RBPJ: variants seen among roughly 807,000 people sequenced by gnomAD.
The protein encoded by RBPJ is recombining binding protein suppressor of hairless.
A neutral mutation model predicts 67.8 loss-of-function variants in RBPJ; 9 were observed. The ratio of observed to expected loss-of-function variants is 0.13; its 90% CI spans 0.08 to 0.23. The LOEUF is 0.23. Among genes scored for constraint, RBPJ ranks in the 10% least tolerant of loss-of-function variants. RBPJ has a pLI of 1.00. For synonymous variants in RBPJ, 198 were observed against 203.3 expected (o/e 0.97, Z 0.22); for missense variants, 305 against 595.6 (o/e 0.51, Z 5.08).
chr4:26,154,770 G>A, the RBPJ span, among the ~76,000 whole-genome samples: 1 of 152,202 alleles, frequency 6.6e-6, no homozygotes, highest in East Asian at 1.9e-4. Context: ...CATGGAGGAA[G>A]GCAAAGGTGA....
At chr4:26,320,500 G>T (rs28691136), upstream of RBPJ, 1,579 of 471,404 alleles carry the variant, frequency 3.3e-3, 15 homozygotes, top group African/African-American at 0.029. Flanking sequence ...AGGCGCCCAG[G>T]GAACGTTTGA....
the RBPJ span, among the ~76,000 whole-genome samples, chr4:26,110,125 A>C: frequency 6.6e-6 from 1 of 152,086 alleles, no homozygotes; most frequent in African/African-American, 2.4e-5. This position sits in a 1 kb window ranked among gnomAD's most constrained non-coding sequence, Gnocchi z 4.5. Flanking sequence ...ATTTACCCCT[A>C]CCGTAGGCAA....
chr4:26,318,417 A>G (rs1352335231), upstream of RBPJ, among the ~76,000 whole-genome samples: 1 of 152,216 alleles, frequency 6.6e-6, no homozygotes, highest in Non-Finnish European at 1.5e-5. Flanking sequence ...AACAGTAGTC[A>G]CTATAGCACC....
intron 3 of RBPJ, among the ~76,000 whole-genome samples, chr4:26,410,535 G>A (rs1053119242): frequency 6.6e-6 from 1 of 152,186 alleles, no homozygotes; most frequent in African/African-American, 2.4e-5. Context: ...TAATGATGCT[G>A]TTAAAACAAT....
At chr4:26,385,973 A>G (rs958580701) in intron 1 of RBPJ, among the ~76,000 whole-genome samples, 1 of 151,782 alleles carries the variant, frequency 6.6e-6, no homozygotes, top group Non-Finnish European at 1.5e-5. Flanking sequence ...AGGCTAATAG[A>G]ATTATTTTAT....
At chr4:26,300,056 T>C (rs1424750871) in intron 1 of RBPJ, among the ~76,000 whole-genome samples, 1 of 152,100 alleles carries the variant, frequency 6.6e-6, no homozygotes, top group Non-Finnish European at 1.5e-5. Flanking sequence ...TGGCATGAAA[T>C]TGTTGGTTAA....
the RBPJ span, among the ~76,000 whole-genome samples, chr4:26,106,428 G>A: frequency 6.6e-6 from 1 of 152,340 alleles, no homozygotes; most frequent in Non-Finnish European, 1.5e-5. Context: ...TATTTTACAA[G>A]TGTGGATTGT....
intron 1 of RBPJ, among the ~76,000 whole-genome samples, chr4:26,273,694 C>G (rs1720985436): frequency 6.6e-6 from 1 of 152,240 alleles, no homozygotes; most frequent in Non-Finnish European, 1.5e-5. Flanking sequence ...TTTCACTCAA[C>G]TGCCTCCCTC....
Position 26,431,056 on chromosome 4 carries a change from T to TG in RBPJ, c.*49_*50insG. ...AAACTGACTTGAGTGTGGCAAAAAGTTAACAAAAAAGGAGAAAAAATGAAC... is the reference window on the plus strand; with the variant it reads ...AAACTGACTTGAGTGTGGCAAAAAGTGTAACAAAAAAGGAGAAAAAATGAAC... On this transcript the variant is annotated 3_prime_UTR_variant, in exon 11 of 11. Transcript: ENST00000355476. 1 of 1,525,716 alleles carries TG rather than the reference T, an allele frequency of 6.6e-7. No homozygotes were observed. The allele number at this position is 1,525,716 out of a possible 1,614,324, so 94.5% of individuals were successfully genotyped here. A position where few individuals can be genotyped will look rare whatever the true frequency, so the allele number is the denominator to read the frequency against.
intron 1 of RBPJ, among the ~76,000 whole-genome samples, chr4:26,331,644 T>C (rs1460250329): frequency 6.6e-6 from 1 of 152,156 alleles, no homozygotes; most frequent in Non-Finnish European, 1.5e-5. Context: ...CTTTGTCTTG[T>C]ATTTCTAACT....
At chr4:26,214,347 GGAA>G (rs567754684) in intron 1 of RBPJ, among the ~76,000 whole-genome samples, 248 of 111,902 alleles carry the variant, frequency 2.2e-3, no homozygotes, top group Non-Finnish European at 3.7e-3. Flanking sequence ...AGAAAGAAAA[GGAA>G]GAGAAAGGAG....
intron 7 of RBPJ, among the ~76,000 whole-genome samples, chr4:26,427,338 C>T (rs1340452337): frequency 6.6e-6 from 1 of 152,042 alleles, no homozygotes; most frequent in Non-Finnish European, 1.5e-5. Context: ...AATCTGTTTT[C>T]GATATGCTAA....
chr4:26,179,361 G>A (rs1044578696), intron 1 of RBPJ, among the ~76,000 whole-genome samples: 6 of 150,642 alleles, frequency 4.0e-5, no homozygotes, highest in African/African-American at 1.5e-4. Context: ...TTACTAATGC[G>A]GATGGAGCCC....
At chr4:26,244,351 A>G (rs12510159) in intron 1 of RBPJ, among the ~76,000 whole-genome samples, 554 of 2,912 alleles carry the variant, frequency 0.19, 20 homozygotes, top group Middle Eastern at 0.5. Flanking sequence ...ATATGTGTGT[A>G]TATATATGTA....
chr4:26,390,849 G>C (rs1177959594), intron 2 of RBPJ, among the ~76,000 whole-genome samples: 1 of 152,158 alleles, frequency 6.6e-6, no homozygotes, highest in Non-Finnish European at 1.5e-5. Context: ...AAGGCTAGGA[G>C]TTTGAAACCA....
intron 2 of RBPJ, among the ~76,000 whole-genome samples, chr4:26,393,838 CT>C (rs955745818): frequency 2.7e-5 from 4 of 150,452 alleles, no homozygotes; most frequent in African/African-American, 9.8e-5. Context: ...GATTTTATTC[CT>C]TAAAAAAAAA....
chr4:26,207,990 A>T (rs1292258483), intron 1 of RBPJ, among the ~76,000 whole-genome samples: 1 of 152,186 alleles, frequency 6.6e-6, no homozygotes, highest in Non-Finnish European at 1.5e-5. Context: ...GGTCCTCACA[A>T]TTGCCCTGCC....
At chr4:26,201,940 T>C (rs1229032373) in intron 1 of RBPJ, among the ~76,000 whole-genome samples, 1 of 152,192 alleles carries the variant, frequency 6.6e-6, no homozygotes, top group Admixed American at 6.5e-5. Flanking sequence ...CAAAATTCAA[T>C]GCTAACTTTT....
At chr4:26,268,960 C>A (rs963368554) in intron 1 of RBPJ, among the ~76,000 whole-genome samples, 8 of 152,162 alleles carry the variant, frequency 5.3e-5, no homozygotes, top group Non-Finnish European at 1.2e-4. Flanking sequence ...ATAATGAACA[C>A]TTTGAATTAA....
Sources: allele counts gnomAD v4.1 joint callset (sites outside exome capture counted in the v4.1 genomes callset), GRCh38; gene constraint gnomAD v4.1.1; non-coding constraint Gnocchi (gnomAD v3.1); transcripts MANE v1.5; gene names NCBI Gene and HGNC (gene_info 2026-07-23, HGNC 2026-07-21).